Variants in RNFT2 observed in about 807,000 individuals in gnomAD.
The protein encoded by RNFT2 is E3 ubiquitin-protein ligase RNFT2.
In RNFT2, 36 loss-of-function variants were observed where a neutral mutation model predicts 53.0. That is an observed-to-expected ratio of 0.68 (90% CI 0.52 to 0.90). The LOEUF (loss-of-function observed/expected upper bound fraction) is 0.90. Ranked by LOEUF, RNFT2 falls within the 40% of genes least tolerant of loss-of-function variation. The pLI is 0.00. For synonymous variants in RNFT2, 260 were observed against 253.2 expected (o/e 1.03, Z -0.26); for missense variants, 514 against 585.6 (o/e 0.88, Z 1.26).
At chr12:116,748,336 C>G (rs182172004) in intron 3 of RNFT2, among the ~76,000 whole-genome samples, 6 of 152,338 alleles carry the variant, frequency 3.9e-5, no homozygotes, top group Non-Finnish European at 2.9e-5. Context: ...CCAGCAGTGG[C>G]TCTGCAAGAG....
chr12:116,766,894 C>T lies in RNFT2; in HGVS notation c.708C>T (p.Ser236=). The change falls in exon 6 of 11, where the codon AGC becomes AGT. Residue 236 remains serine, a synonymous_variant. Coordinates refer to ENST00000257575, the MANE Select transcript of RNFT2 (RefSeq NM_001382266.1). ...CCCTCTATGTGCTTTATACATTCAG[C>T]TCCCAGCAGCTGTACAACAGGTGAG... ...GNTLYVLYTF[S]SQQLYNSLIF... The T allele has an allele frequency of 1.3e-6, 2 of 1,585,992 alleles. No individual in the cohort carries two copies. The highest frequency in any genetic ancestry group is 1.7e-6 in the Non-Finnish European group (2 of 1,165,340).
intron 1 of RNFT2, chr12:116,738,599 G>A (rs1871435528): frequency 6.6e-6 from 1 of 152,050 alleles, no homozygotes; most frequent in Admixed American, 6.6e-5. Flanking sequence ...GGCGCAACTT[G>A]AACCATCGCA....
intron 7 of RNFT2, among the ~76,000 whole-genome samples, chr12:116,815,477 C>G (rs889582990): frequency 2.0e-5 from 3 of 152,200 alleles, no homozygotes; most frequent in Non-Finnish European, 2.9e-5. Context: ...TTTCTAGCTT[C>G]TAGAAGCTCC....
chr12:116,797,412 T>C (rs959350145), intron 7 of RNFT2, among the ~76,000 whole-genome samples: 2 of 151,886 alleles, frequency 1.3e-5, no homozygotes, highest in African/African-American at 4.8e-5. Flanking sequence ...ATACAAAAAT[T>C]AGCCAGGTTT....
chr12:116,822,377 G>C (rs1006720854), intron 7 of RNFT2, among the ~76,000 whole-genome samples: 1 of 152,068 alleles, frequency 6.6e-6, no homozygotes, highest in Non-Finnish European at 1.5e-5. Context: ...AATTCCAGCT[G>C]TAAGAGTGTT....
At chr12:116,838,226 G>C (rs1177478803) in intron 10 of RNFT2, among the ~76,000 whole-genome samples, 2 of 152,112 alleles carry the variant, frequency 1.3e-5, no homozygotes, top group African/African-American at 4.8e-5. Context: ...TACAAATAAG[G>C]CTGTCATGAA....
At chr12:116,835,698 G>A (rs938007821) in intron 8 of RNFT2, among the ~76,000 whole-genome samples, 1 of 152,196 alleles carries the variant, frequency 6.6e-6, no homozygotes, top group African/African-American at 2.4e-5. Flanking sequence ...GCCTGCTGTG[G>A]GCTTGGGAAG....
chr12:116,747,998 C>T (rs1439370941), intron 3 of RNFT2, among the ~76,000 whole-genome samples: 1 of 152,088 alleles, frequency 6.6e-6, no homozygotes, highest in Non-Finnish European at 1.5e-5. Context: ...CAATACCAGC[C>T]TGGCCAACGC....
chr12:116,763,441 A>G (rs1313081130), intron 5 of RNFT2, among the ~76,000 whole-genome samples: 1 of 152,148 alleles, frequency 6.6e-6, no homozygotes, highest in African/African-American at 2.4e-5. Context: ...TACAACCACT[A>G]TGGAAAACAG....
chr12:116,741,552 T>C (rs1183490454), intron 3 of RNFT2, among the ~76,000 whole-genome samples: 1 of 152,188 alleles, frequency 6.6e-6, no homozygotes, highest in Non-Finnish European at 1.5e-5. Flanking sequence ...AAGGGATCTC[T>C]CTGGGTCTCC....
chr12:116,792,015 G>A (rs144930883), intron 7 of RNFT2, among the ~76,000 whole-genome samples: 1,587 of 152,152 alleles, frequency 0.01, 12 homozygotes, highest in South Asian at 0.03. Flanking sequence ...ATTAGACCGC[G>A]GTCCTTCCCG....
At chr12:116,750,810 A>ATAT (rs1872161992) in intron 4 of RNFT2, among the ~76,000 whole-genome samples, 1 of 12,306 alleles carries the variant, frequency 8.1e-5, no homozygotes, top group Non-Finnish European at 1.7e-4. Flanking sequence ...TATATATATA[A>ATAT]TATATATATT....
chr12:116,781,570 G>T (rs986525779), intron 7 of RNFT2, among the ~76,000 whole-genome samples: 1 of 151,574 alleles, frequency 6.6e-6, no homozygotes, highest in Non-Finnish European at 1.5e-5. Flanking sequence ...GTGATGGCAG[G>T]TTGAGCGTTC....
intron 5 of RNFT2, among the ~76,000 whole-genome samples, chr12:116,762,711 A>G (rs1872737441): frequency 6.6e-6 from 1 of 151,588 alleles, no homozygotes; most frequent in Non-Finnish European, 1.5e-5. Flanking sequence ...CAAGATTACC[A>G]AGTGATTCTC....
At chr12:116,849,203 G>T (rs541565528) in intron 10 of RNFT2, 111 bp from the exon 11 acceptor site, 138 of 790,772 alleles carry the variant, frequency 1.7e-4, no homozygotes, top group Non-Finnish European at 2.6e-4. Context: ...GAGTGCAGGC[G>T]CCCCGAAGGC....
intron 6 of RNFT2, among the ~76,000 whole-genome samples, chr12:116,771,832 T>G (rs1479528699): frequency 6.6e-6 from 1 of 152,138 alleles, no homozygotes; most frequent in Admixed American, 6.6e-5. Context: ...AAAATATCCC[T>G]GTCACCCTGG....
At chr12:116,809,765 C>T (rs977655101) in intron 7 of RNFT2, among the ~76,000 whole-genome samples, 1 of 152,112 alleles carries the variant, frequency 6.6e-6, no homozygotes, top group Non-Finnish European at 1.5e-5. Flanking sequence ...CTCCACCTCC[C>T]GGGTTCAAGC....
In RNFT2 at chr12:116,833,920, C is replaced by T. The variant is rs578175959; in HGVS notation, c.1011C>T (p.Ile337=). 332 of 1,611,114 alleles carry T rather than the reference C, an allele frequency of 2.1e-4. 1 individual carries two copies. The highest frequency in any genetic ancestry group is 2.7e-4 in the Non-Finnish European group (314 of 1,178,796). The change falls in exon 8 of 11, where the codon ATC becomes ATT. Residue 337 remains isoleucine, a synonymous_variant. Transcript: ENST00000257575. ...GCTACTTCCTGGGCGGGGTCCTGAT[C>T]GTTCTCTACAGCCTCTGCAAGGTGA... The part of the protein sequence containing the change: ...SNSYFLGGVL[I]VLYSLCKSFD...
At chr12:116,752,169 GT>G (rs1291782484) in intron 4 of RNFT2, among the ~76,000 whole-genome samples, 4 of 139,744 alleles carry the variant, frequency 2.9e-5, no homozygotes, top group African/African-American at 1.1e-4. Context: ...GGGAAACATA[GT>G]GAGACCCTAT....
Sources: allele counts gnomAD v4.1 joint callset (sites outside exome capture counted in the v4.1 genomes callset), GRCh38; gene constraint gnomAD v4.1.1; transcripts MANE v1.5; gene names NCBI Gene and HGNC (gene_info 2026-07-23, HGNC 2026-07-21).